The following CHD8 variants were observed in gnomAD, a reference collection of about 807,000 sequenced individuals.
The protein encoded by CHD8 is chromodomain helicase DNA binding protein 8, also known as ATP-dependent chromatin remodeler CHD8.
In CHD8, 31 loss-of-function variants were observed where a neutral mutation model predicts 279.2. That is an observed-to-expected ratio of 0.11 (90% CI 0.08 to 0.15). The LOEUF (loss-of-function observed/expected upper bound fraction) is 0.15, where lower values mean the gene tolerates loss of function less well. CHD8 is among the 10% of genes least tolerant of loss of function. The probability of loss-of-function intolerance (pLI) is 1.00; values close to 1 mark genes in which losing one functional copy is unlikely to be tolerated. For missense variants in CHD8, 2,146 were observed against 3,230.5 expected, an observed-to-expected ratio of 0.66 and a Z score of 8.14; for synonymous variants, 1,081 against 1,139.6, an observed-to-expected ratio of 0.95 and a Z score of 1.04.
At chr14:21,434,039 CTTTT>C (rs57822562) in intron 1 of CHD8, among the ~76,000 whole-genome samples, 1 of 115,884 alleles carries the variant, frequency 8.6e-6, no homozygotes, top group Non-Finnish European at 1.9e-5. Flanking sequence ...GTGAAAGTTT[CTTTT>C]TTTTTTTTTT....
At chr14:21,387,464 C>A (rs889125750) in intron 37 of CHD8, among the ~76,000 whole-genome samples, 2 of 151,798 alleles carry the variant, frequency 1.3e-5, no homozygotes, top group African/African-American at 4.8e-5. Flanking sequence ...GAAACCCCAT[C>A]TCTACTAAAA....
rs558121098 is a variant in CHD8 at position 21,414,712 on chromosome 14, T to C, written c.2024+226A>G. 25 of 603,588 alleles carry C rather than the reference T, an allele frequency of 4.1e-5. No homozygotes were observed. The African/African-American group carries it at 4.3e-4, about 10-fold the overall frequency. 37.4% of individuals were successfully genotyped at this position (603,588 alleles called of 1,614,324 possible). A position where few individuals can be genotyped will look rare whatever the true frequency, so the allele number is the denominator to read the frequency against. Reference sequence around the variant, plus strand: ...CTAAACTAAGGTAAAGAGAATCACATGACATTTTATCAGGAACCACCCTCA... The same window carrying C: ...CTAAACTAAGGTAAAGAGAATCACACGACATTTTATCAGGAACCACCCTCA... On this transcript the variant is annotated intron_variant, in intron 8 of 37. Transcript: ENST00000646647.
intron 1 of CHD8, among the ~76,000 whole-genome samples, chr14:21,455,798 C>T (rs1299362809): frequency 6.6e-6 from 1 of 152,014 alleles, no homozygotes; most frequent in Non-Finnish European, 1.5e-5. Context: ...CAGTCCCTCG[C>T]GGCTCGGCCC....
At chr14:21,419,351 G>A (rs1888905424) in intron 5 of CHD8, among the ~76,000 whole-genome samples, 1 of 152,290 alleles carries the variant, frequency 6.6e-6, no homozygotes, top group Admixed American at 6.5e-5. Context: ...CTGAGCTCAG[G>A]AGTTCAAGAC....
rs754621282 is a variant in CHD8 at position 21,391,514 on chromosome 14, C to A, written c.7014G>T (p.Glu2338Asp). The A allele has an allele frequency of 1.9e-6, 3 of 1,613,960 alleles. No individual in the cohort carries two copies. The South Asian group carries it at 3.3e-5, about 18-fold the overall frequency. The change falls in exon 36 of 38, where the codon GAG (glutamate) becomes GAT (aspartate). Residue 2338 changes from glutamate (E) to aspartate (D), a missense_variant. Glu to Asp is a conservative substitution (Grantham distance 45). Coordinates refer to ENST00000646647, the MANE Select transcript of CHD8 (RefSeq NM_001170629.2). ...ACTCTGGATGACCCTGTAACCACAT[C>A]TCCAGTTCAGCCCGGCGAGGGGCAT... is the stretch of plus-strand genomic sequence containing the variant. The part of the protein sequence containing the change: ...GEDAPRRAEL[E>D]MWLQGHPEFA...
Position 21,402,553 on chromosome 14 carries a change from G to T in CHD8, c.3715-50C>A. ...AAAGGAGAAAGATATCATAAAATTA[G>T]CAAGGGAAAGGATACAAAATACCAA... On this transcript the variant is annotated intron_variant, in intron 18 of 37. Transcript: ENST00000646647. The surrounding 1 kb of genome is among the most constrained non-coding windows in gnomAD (Gnocchi z 4.5). 1 of 1,500,900 alleles carries T rather than the reference G, an allele frequency of 6.7e-7. No individual in the cohort carries two copies. Among genetic ancestry groups the T allele is most frequent in the Non-Finnish European group, 8.9e-7 (1 of 1,117,824 alleles). 93.0% of individuals were successfully genotyped at this position (1,500,900 alleles called of 1,614,324 possible).
Position 21,431,284 on chromosome 14 carries a change from C to A in CHD8, c.360G>T (p.Leu120Phe), listed in dbSNP as rs1889552219. 1 of 1,579,858 alleles carries A rather than the reference C, an allele frequency of 6.3e-7. No individual in the cohort carries two copies. Among genetic ancestry groups the A allele is most frequent in the Non-Finnish European group, 8.5e-7 (1 of 1,170,260 alleles). The change falls in exon 2 of 38, where the codon TTG becomes TTT. Residue 120 changes from leucine (L) to phenylalanine (F), a missense_variant. This residue lies in a region of CHD8 where 302 missense variants were observed against 325.5 expected (regional missense o/e 0.93). Transcript: ENST00000646647. ...GGATCTCCTGGCTCTTGGAGACTTGCAAAAGTCCTGATGTTGGCGTCGATG... is the reference window on the plus strand; with the variant it reads ...GGATCTCCTGGCTCTTGGAGACTTGAAAAAGTCCTGATGTTGGCGTCGATG... ...LQTSTPTSGL[L>F]QVSKSQEILS...
Position 21,391,062 on chromosome 14 carries a change from T to G in CHD8, c.7067A>C (p.Tyr2356Ser), listed in dbSNP as rs1887514113. ...CTTCTGTTTTCTGCGATCCTCCATATACTGCAATAGAAAAAATCAGTTATC... is the reference window on the plus strand; with the variant it reads ...CTTCTGTTTTCTGCGATCCTCCATAGACTGCAATAGAAAAAATCAGTTATC... ...EFAVDPRFLA[Y>S]MEDRRKQKWQ... is the part of the protein sequence containing the mutation. The change falls in exon 37 of 38, where the codon TAT (tyrosine) becomes TCT (serine). Residue 2356 changes from tyrosine to serine, a missense_variant and splice_region_variant. Tyr to Ser is a moderately radical substitution (Grantham distance 144). Coordinates refer to ENST00000646647, the MANE Select transcript of CHD8 (RefSeq NM_001170629.2). The G allele has an allele frequency of 6.5e-7, 1 of 1,545,570 alleles. No homozygotes were observed. Among genetic ancestry groups the G allele is most frequent in the Non-Finnish European group, 8.8e-7 (1 of 1,132,738 alleles).
intron 26 of CHD8, 113 bp from the exon 27 acceptor site, chr14:21,398,065 C>T: frequency 2.0e-6 from 2 of 1,005,756 alleles, no homozygotes; most frequent in Non-Finnish European, 1.4e-6. Context: ...TAATGGAAAA[C>T]AAAGTTAGAA....
chr14:21,401,040 C>T lies in CHD8; in HGVS notation c.4205G>A (p.Arg1402Gln), dbSNP rs745693097. The T allele has an allele frequency of 6.2e-7, 1 of 1,612,842 alleles. No homozygotes were observed. Among genetic ancestry groups the T allele is most frequent in the South Asian group, 1.1e-5 (1 of 90,896 alleles). Reference sequence around the variant, plus strand: ...AGTGCTAAAGTGGCGCGTTTGTTTTCGTACTCTAGGTGTGTCAATTACCAA... The same window carrying T: ...AGTGCTAAAGTGGCGCGTTTGTTTTTGTACTCTAGGTGTGTCAATTACCAA... ...NNLVIDTPRV[R>Q]KQTRHFSTLK... Residue 1402 changes from arginine (R) to glutamine (Q), a missense_variant, in exon 22 of 38, where the codon CGA becomes CAA. Arg to Gln is a conservative substitution (Grantham distance 43). This residue lies in a region of CHD8 where 74 missense variants were observed against 91.5 expected (regional missense o/e 0.81). Coordinates refer to ENST00000646647, the MANE Select transcript of CHD8 (RefSeq NM_001170629.2).
intron 5 of CHD8, among the ~76,000 whole-genome samples, chr14:21,417,571 A>T (rs2139503901): frequency 6.6e-6 from 1 of 152,024 alleles, no homozygotes; most frequent in South Asian, 2.1e-4. Flanking sequence ...AAATATAAAA[A>T]TAGCCGGGCA....
chr14:21,431,044 G>A lies in CHD8; in HGVS notation c.600C>T (p.Val200=). ...LVAGTANGGK[V]TFTKVLTGTP... is the part of the protein sequence containing the mutation. ...TGCCGGTTAGCACTTTGGTAAAAGT[G>A]ACTTTTCCACCATTGGCTGTGCCTG... Residue 200 remains valine, a synonymous_variant, in exon 2 of 38, where the codon GTC becomes GTT. Transcript: ENST00000646647. 1 of 1,599,318 alleles carries A rather than the reference G, an allele frequency of 6.3e-7. No individual in the cohort carries two copies. Among genetic ancestry groups the A allele is most frequent in the East Asian group, 2.2e-5 (1 of 44,872 alleles).
In CHD8 at chr14:21,393,798, C is replaced by A; in HGVS notation, c.5997G>T (p.Leu1999=). The part of the protein sequence containing the change: ...YTSRTASPLP[L]RPDAPVEKSP... ...ACTTTTCAACAGGAGCATCTGGGCG[C>A]AGGGGCAGTGGTGAGGCAGTGCGTG... The change falls in exon 32 of 38, where the codon CTG becomes CTT. Residue 1999 remains leucine, a synonymous_variant. Coordinates refer to ENST00000646647, the MANE Select transcript of CHD8 (RefSeq NM_001170629.2). 1 of 1,613,918 alleles carries A rather than the reference C, an allele frequency of 6.2e-7. No homozygotes were observed. Among genetic ancestry groups the A allele is most frequent in the Non-Finnish European group, 8.5e-7 (1 of 1,179,876 alleles).
intron 10 of CHD8, among the ~76,000 whole-genome samples, chr14:21,410,997 G>A (rs1047613084): frequency 6.6e-6 from 1 of 152,132 alleles, no homozygotes; most frequent in Non-Finnish European, 1.5e-5. Flanking sequence ...TTTTGCAGAG[G>A]TGGGGAAAAT....
chr14:21,394,673 G>C (rs1887700008), intron 30 of CHD8, 188 bp from the exon 31 acceptor site: 4 of 603,110 alleles, frequency 6.6e-6, no homozygotes, highest in Non-Finnish European at 1.1e-5. Flanking sequence ...AAGAATTACA[G>C]AGCCAAGGGG....
At chr14:21,414,522 C>A in intron 8 of CHD8, 104 bp from the exon 9 acceptor site, 2 of 655,052 alleles carry the variant, frequency 3.1e-6, no homozygotes, top group South Asian at 3.6e-5. Context: ...CAAATACAGG[C>A]TTAAATTGGG....
Position 21,405,490 on chromosome 14 carries a change from TA to T in CHD8, c.3052-27del. 6.3e-7 allele frequency: 1 copy of T among 1,592,072 alleles called. No homozygotes were observed. Among genetic ancestry groups the T allele is most frequent in the Admixed American group, 1.8e-5 (1 of 55,530 alleles). The stretch of plus-strand genomic sequence containing the variant: ...CTGTGGTCCATTACAGAGAGAAAAA[TA>T]AATCAATAAGATGAGGGCGAACATT... On this transcript the variant is annotated intron_variant, in intron 15 of 37. Coordinates refer to ENST00000646647, the MANE Select transcript of CHD8 (RefSeq NM_001170629.2). The surrounding 1 kb of genome is among the most constrained non-coding windows in gnomAD (Gnocchi z 4.2).
chr14:21,427,931 C>T lies in CHD8; in HGVS notation c.1539G>A (p.Glu513=). 6.2e-7 allele frequency: 1 copy of T among 1,614,086 alleles called. No homozygotes were observed. Among genetic ancestry groups the T allele is most frequent in the East Asian group, 2.2e-5 (1 of 44,896 alleles). ...RKKSAGERLK[E]EKPKKSKTSG... is the part of the protein sequence containing the mutation. ...ATGTTTTACTCTTCTTTGGCTTCTCCTCTTTCAGCCTCTCCCCAGCACTCT... is the reference window on the plus strand; with the variant it reads ...ATGTTTTACTCTTCTTTGGCTTCTCTTCTTTCAGCCTCTCCCCAGCACTCT... The change falls in exon 4 of 38, where the codon GAG becomes GAA. Residue 513 remains glutamate, a synonymous_variant. Transcript: ENST00000646647.
At chr14:21,393,277 G>A in intron 32 of CHD8, 23 bp from the exon 33 acceptor site, 1 of 1,612,576 alleles carries the variant, frequency 6.2e-7, no homozygotes, top group Non-Finnish European at 8.5e-7. Flanking sequence ...CCCATAGAAT[G>A]TGTGAGAAAA....
Sources: gnomAD v4.1 joint callset for allele counts (sites outside exome capture counted in the v4.1 genomes callset) on GRCh38, gnomAD v4.1.1 for gene constraint, gnomAD v4.1.1 regional missense constraint, Gnocchi (gnomAD v3.1) non-coding constraint, MANE v1.5 for transcripts, NCBI Gene and HGNC (gene_info 2026-07-23, HGNC 2026-07-21) for gene names.